The following SSBP3 variants were observed in gnomAD, a reference collection of about 807,000 sequenced individuals.
The protein encoded by SSBP3 is single stranded DNA binding protein 3.
Under a neutral mutation model 69.6 loss-of-function variants are expected in SSBP3, and 5 were observed. The observed-to-expected ratio is 0.07, with a 90% CI of 0.04 to 0.15. The LOEUF (loss-of-function observed/expected upper bound fraction) is 0.15, where lower values mean the gene tolerates loss of function less well. Ranked by LOEUF, SSBP3 falls within the 10% of genes least tolerant of loss-of-function variation. SSBP3 has a pLI of 1.00. For missense variants in SSBP3, 312 were observed against 534.0 expected (o/e 0.58, Z 4.10); for synonymous variants, 196 against 193.4 (o/e 1.01, Z -0.11).
intron 4 of SSBP3, among the ~76,000 whole-genome samples, chr1:54,306,744 TA>T (rs1440303634): frequency 1.1e-4 from 16 of 152,120 alleles, no homozygotes; most frequent in African/African-American, 3.9e-4. Context: ...GGCACACACG[TA>T]TAATTCCAGG....
At chr1:54,228,848 T>C in intron 14 of SSBP3, 22 bp from the exon 15 acceptor site, 3 of 1,608,376 alleles carry the variant, frequency 1.9e-6, no homozygotes, top group East Asian at 2.2e-5. Flanking sequence ...GCACAGGGCA[T>C]GGCAGCTCAG....
intron 4 of SSBP3, among the ~76,000 whole-genome samples, chr1:54,292,972 G>C (rs1645635346): frequency 1.3e-5 from 2 of 152,026 alleles, no homozygotes; most frequent in Non-Finnish European, 2.9e-5. Context: ...TTGGAGGATG[G>C]TGACTGGATG....
rs142033663 is a variant in SSBP3, at chr1:54,311,860, G to C, written c.277-30333C>G. On this transcript the variant is annotated intron_variant, in intron 4 of 17. Coordinates refer to ENST00000610401, the Ensembl canonical transcript of SSBP3. ...CAAAGCAAGCTCTGTGTTGTTCCCC[G>C]GAGCCACAGTTCTGGGGACTCCTTG... is the stretch of plus-strand genomic sequence containing the variant. 3.1e-3 allele frequency among the ~76,000 whole-genome samples: 467 copies of C among 152,196 alleles called. 3 individuals are homozygous for C. The highest frequency in any genetic ancestry group is 4.8e-3 in the Non-Finnish European group (329 of 68,004).
intron 5 of SSBP3, among the ~76,000 whole-genome samples, chr1:54,262,401 GTCATC>G (rs1336869021): frequency 6.6e-6 from 1 of 152,152 alleles, no homozygotes; most frequent in Non-Finnish European, 1.5e-5. Context: ...GCACCTCCGT[GTCATC>G]TGTCAGGGCA....
At chr1:54,345,992 A>T (rs575064338) in intron 4 of SSBP3, among the ~76,000 whole-genome samples, 45 of 151,854 alleles carry the variant, frequency 3.0e-4, no homozygotes, top group African/African-American at 9.7e-4. Context: ...AATACAAAAA[A>T]AAAAAAACAA....
At position 54,401,799 on chromosome 1, in the gene SSBP3, C is replaced by T. The variant is rs1162058192; in HGVS notation, c.276+62G>A. On this transcript the variant is annotated intron_variant, in intron 4 of 17. Coordinates refer to ENST00000610401, the Ensembl canonical transcript of SSBP3. ...GAACTGGCTGTGTTTGCTTTTCGTACTAGAGAAGTTAGAGCTATCCAACCC... is the reference window on the plus strand; with the variant it reads ...GAACTGGCTGTGTTTGCTTTTCGTATTAGAGAAGTTAGAGCTATCCAACCC... 4.2e-6 allele frequency: 6 copies of T among 1,426,472 alleles called. No individual in the cohort carries two copies. The African/African-American group carries it at 8.5e-5, about 20-fold the overall frequency. 88.4% of individuals were successfully genotyped at this position (1,426,472 alleles called of 1,614,324 possible).
intron 5 of SSBP3, among the ~76,000 whole-genome samples, chr1:54,275,778 C>T (rs913824866): frequency 3.3e-5 from 5 of 152,204 alleles, no homozygotes; most frequent in African/African-American, 7.2e-5. Flanking sequence ...GGGCTGAGAG[C>T]TCACAGGGGC....
chr1:54,247,226 G>A (rs1160388175), intron 9 of SSBP3, among the ~76,000 whole-genome samples: 2 of 152,236 alleles, frequency 1.3e-5, no homozygotes, highest in Non-Finnish European at 2.9e-5. Context: ...TTTAAACCTG[G>A]ATCTGCTGGC....
intron 4 of SSBP3, among the ~76,000 whole-genome samples, chr1:54,320,732 G>T (rs958394679): frequency 6.6e-6 from 1 of 152,166 alleles, no homozygotes; most frequent in African/African-American, 2.4e-5. Flanking sequence ...AGAGGCACAG[G>T]CCTTGACTTC....
chr1:54,231,733 C>T (rs181974947), intron 14 of SSBP3, among the ~76,000 whole-genome samples: 57 of 152,192 alleles, frequency 3.7e-4, no homozygotes, highest in Non-Finnish European at 5.6e-4. Flanking sequence ...CTCACTCTGT[C>T]GGCCAGGCTG....
intron 9 of SSBP3, among the ~76,000 whole-genome samples, chr1:54,248,440 G>A (rs969132688): frequency 2.6e-5 from 4 of 152,174 alleles, no homozygotes; most frequent in Non-Finnish European, 4.4e-5. Context: ...CTTGCTGCCC[G>A]TTTTGCAGAT....
chr1:54,348,891 C>T (rs74071652), intron 4 of SSBP3, among the ~76,000 whole-genome samples: 1,606 of 152,286 alleles, frequency 0.011, 28 homozygotes, highest in African/African-American at 0.037. Flanking sequence ...ACACTCAAGG[C>T]AAGTCACAAA....
At chr1:54,324,031 A>C (rs1385341793) in intron 4 of SSBP3, among the ~76,000 whole-genome samples, 5 of 152,236 alleles carry the variant, frequency 3.3e-5, no homozygotes, top group African/African-American at 7.2e-5. Flanking sequence ...GCATCCTTGA[A>C]GAATGTGTTT....
chr1:54,311,044 C>T (rs993289883), intron 4 of SSBP3, among the ~76,000 whole-genome samples: 1 of 152,224 alleles, frequency 6.6e-6, no homozygotes, highest in African/African-American at 2.4e-5. Flanking sequence ...GCCACACATG[C>T]TTGGGTCTAT....
rs192417364 is a variant in SSBP3 at position 54,346,642 on chromosome 1, A to G, written c.276+55219T>C. ...ATCCTGACTGACACGGTGAAACCCC[A>G]TCTCTACTAAAAATACAAAAAAATT... On this transcript the variant is annotated intron_variant, in intron 4 of 17. Transcript: ENST00000610401. 3.2e-3 allele frequency among the ~76,000 whole-genome samples: 482 copies of G among 152,096 alleles called. 3 individuals carry two copies. The highest frequency in any genetic ancestry group is 0.011 in the African/African-American group (454 of 41,508).
chr1:54,233,482 G>A (rs1169509453), intron 14 of SSBP3, among the ~76,000 whole-genome samples: 2 of 151,322 alleles, frequency 1.3e-5, no homozygotes, highest in Non-Finnish European at 2.9e-5. Context: ...CCGTCTGGGA[G>A]GGAGGTGGGG....
chr1:54,377,222 C>T (rs1240066700), intron 4 of SSBP3, among the ~76,000 whole-genome samples: 1 of 152,210 alleles, frequency 6.6e-6, no homozygotes, highest in African/African-American at 2.4e-5. Flanking sequence ...GGTTTCCCCA[C>T]TCCAAAACCC....
chr1:54,370,543 T>C (rs899421789), intron 4 of SSBP3, among the ~76,000 whole-genome samples: 1 of 152,132 alleles, frequency 6.6e-6, no homozygotes, highest in African/African-American at 2.4e-5. Flanking sequence ...TTTTTACTCT[T>C]TGCTTCATCA....
intron 4 of SSBP3, among the ~76,000 whole-genome samples, chr1:54,328,125 C>T (rs1263141537): frequency 2.0e-5 from 3 of 152,100 alleles, no homozygotes; most frequent in African/African-American, 4.8e-5. Context: ...GTCTTGACCT[C>T]GTACCCAGGC....
Sources: gnomAD v4.1 joint callset for allele counts (sites outside exome capture counted in the v4.1 genomes callset) on GRCh38, gnomAD v4.1.1 for gene constraint, MANE v1.5 for transcripts, NCBI Gene and HGNC (gene_info 2026-07-23, HGNC 2026-07-21) for gene names.